Variants in NUP62CL observed in about 807,000 individuals in gnomAD.
NUP62CL encodes the protein nucleoporin-62 C-terminal-like protein.
NUP62CL carries 13 observed loss-of-function variants against 15.3 expected under a neutral mutation model. That is an observed-to-expected ratio of 0.85 (90% CI 0.55 to 1.35). The LOEUF is 1.35. Among genes scored for constraint, NUP62CL ranks in the 40% most tolerant of loss-of-function variants. The probability of loss-of-function intolerance (pLI) is 0.00; values close to 1 mark genes in which losing one functional copy is unlikely to be tolerated. For missense variants in NUP62CL, 123 were observed against 130.6 expected, an observed-to-expected ratio of 0.94 and a Z score of 0.28; for synonymous variants, 54 against 49.2, an observed-to-expected ratio of 1.10 and a Z score of -0.41.
intron 2 of NUP62CL, among the ~76,000 whole-genome samples, chrX:107,191,764 A>C (rs1180344006): frequency 8.9e-6 from 1 of 111,770 alleles, no homozygotes; most frequent in Admixed American, 9.5e-5. Flanking sequence ...TTTATTAAAC[A>C]ACACAAGTTT....
chrX:107,139,822 G>T (rs1320492101), intron 8 of NUP62CL, among the ~76,000 whole-genome samples: 1 of 111,824 alleles, frequency 8.9e-6, no homozygotes, highest in Admixed American at 9.5e-5. Flanking sequence ...ATTCAGAAAC[G>T]GAGGAAGGGA....
rs1438294697 is a variant in NUP62CL, at chrX:107,152,065, TATATATATATTCAG to T, written c.530+1093_530+1106del. The stretch of plus-strand genomic sequence containing the variant: ...ATATATTCAGATATATATATATATA[TATATATATATTCAG>T]ATATATATATATATATTCAGATATA... On this transcript the variant is annotated intron_variant, in intron 7 of 8. Coordinates refer to ENST00000372466, the MANE Select transcript of NUP62CL (RefSeq NM_017681.3). 1.3e-3 allele frequency among the ~76,000 whole-genome samples: 90 copies of T among 71,047 alleles called. 2 individuals carry two copies. The highest frequency in any genetic ancestry group is 6.7e-3 in the Middle Eastern group (1 of 150). 61.7% of individuals were successfully genotyped at this position (71,047 alleles called of 115,157 possible).
intron 1 of NUP62CL, among the ~76,000 whole-genome samples, chrX:107,201,141 C>G (rs2147819551): frequency 9.0e-6 from 1 of 111,215 alleles, no homozygotes; most frequent in South Asian, 3.8e-4. Flanking sequence ...ACATATGCTT[C>G]TGAAAAAATA....
intron 2 of NUP62CL, among the ~76,000 whole-genome samples, chrX:107,182,607 T>C (rs1360045343): frequency 2.7e-5 from 3 of 110,678 alleles, no homozygotes; most frequent in African/African-American, 9.9e-5. Flanking sequence ...AAAATGGTAG[T>C]ACTAGAACAA....
At chrX:107,191,425 T>G (rs6622178) in intron 2 of NUP62CL, among the ~76,000 whole-genome samples, 15,818 of 109,495 alleles carry the variant, frequency 0.14, 1,201 homozygotes, top group East Asian at 0.46. Context: ...AAAGGACTTA[T>G]ATGGCCGGGC....
At chrX:107,154,408 A>T (rs1926124630) in intron 4 of NUP62CL, among the ~76,000 whole-genome samples, 162 bp from the exon 5 acceptor site, 1 of 10,686 alleles carries the variant, frequency 9.4e-5, no homozygotes, top group African/African-American at 2.6e-3. Flanking sequence ...AAGATGATTA[A>T]AAAAAACAAC....
rs546291982 is a variant in NUP62CL at position 107,185,958 on chromosome X, C to T, written c.-48+7071G>A. Reference sequence around the variant, plus strand: ...TTATCAGACAAAGTAGACTTCAGAACAAAGAAAATTACCATAGACAGAGGA... The same window carrying T: ...TTATCAGACAAAGTAGACTTCAGAATAAAGAAAATTACCATAGACAGAGGA... On this transcript the variant is annotated intron_variant, in intron 2 of 8. Coordinates refer to ENST00000372466, the MANE Select transcript of NUP62CL (RefSeq NM_017681.3). 9.1e-4 allele frequency among the ~76,000 whole-genome samples: 101 copies of T among 111,316 alleles called. No homozygotes were observed. The Middle Eastern group carries it at 0.019, about 20-fold the overall frequency.
chrX:107,194,811 CTTTTTTTTTTT>C (rs1174813324), intron 1 of NUP62CL, among the ~76,000 whole-genome samples: 4 of 46,303 alleles, frequency 8.6e-5, no homozygotes, highest in African/African-American at 2.7e-4. Flanking sequence ...TTCTTTCTCT[CTTTTTTTTTTT>C]TTTTTTTTTT....
intron 7 of NUP62CL, among the ~76,000 whole-genome samples, chrX:107,152,059 T>TATATATTCAG (rs1926031169): frequency 1.4e-5 from 1 of 69,004 alleles, no homozygotes; most frequent in African/African-American, 7.3e-5. Context: ...GATATATATA[T>TATATATTCAG]ATATATATAT....
chrX:107,184,312 A>AG (rs1405766835), intron 2 of NUP62CL, among the ~76,000 whole-genome samples: 1,131 of 60,189 alleles, frequency 0.019, 37 homozygotes, highest in African/African-American at 0.087. Flanking sequence ...AGAAAGAAAG[A>AG]AAGAAAGAAA....
intron 4 of NUP62CL, among the ~76,000 whole-genome samples, chrX:107,163,417 A>G (rs1178647000): frequency 9.0e-6 from 1 of 111,614 alleles, no homozygotes; most frequent in African/African-American, 3.3e-5. Flanking sequence ...AAAATACTCA[A>G]ACAACTGACA....
intron 8 of NUP62CL, among the ~76,000 whole-genome samples, chrX:107,145,609 G>A (rs976804884): frequency 6.3e-5 from 7 of 111,193 alleles, no homozygotes; most frequent in Non-Finnish European, 3.8e-5. Flanking sequence ...AATCTTCTAA[G>A]AATAAGGATC....
rs1221436162 is a variant in NUP62CL at position 107,184,344 on chromosome X, AAAGAAAG to A, written c.-48+8678_-48+8684del. On this transcript the variant is annotated intron_variant, in intron 2 of 8. Coordinates refer to ENST00000372466, the MANE Select transcript of NUP62CL (RefSeq NM_017681.3). Reference sequence around the variant, plus strand: ...GAAAGAAAGAAAGAAAGAAAGAAAGAAAGAAAGAAAGAAACTAATTAATTATTGGTAA... The same window carrying A: ...GAAAGAAAGAAAGAAAGAAAGAAAGAAAAGAAACTAATTAATTATTGGTAA... 1.2e-4 allele frequency among the ~76,000 whole-genome samples: 10 copies of A among 83,094 alleles called. No homozygotes were observed. In the East Asian group the frequency reaches 4.5e-3, roughly 38 times the overall value. 72.2% of individuals were successfully genotyped at this position (83,094 alleles called of 115,157 possible).
intron 8 of NUP62CL, among the ~76,000 whole-genome samples, chrX:107,130,808 G>A (rs988950755): frequency 1.4e-4 from 16 of 111,583 alleles, no homozygotes; most frequent in African/African-American, 5.2e-4. Context: ...AAAGGAAGAA[G>A]ACATAATATA....
chrX:107,204,935 T>A (rs1393527880), intron 1 of NUP62CL, among the ~76,000 whole-genome samples: 1 of 106,457 alleles, frequency 9.4e-6, no homozygotes, highest in Admixed American at 1.0e-4. Flanking sequence ...TTTAAATAAA[T>A]TTTAAATAAA....
intron 8 of NUP62CL, among the ~76,000 whole-genome samples, chrX:107,133,661 C>T (rs897982207): frequency 1.1e-4 from 12 of 112,810 alleles, no homozygotes; most frequent in Non-Finnish European, 2.1e-4. Flanking sequence ...TTAATTCTGG[C>T]CGGGCGCAGT....
intron 3 of NUP62CL, among the ~76,000 whole-genome samples, chrX:107,171,359 G>A (rs1315829597): frequency 1.8e-5 from 2 of 111,652 alleles, no homozygotes; most frequent in Non-Finnish European, 3.8e-5. Flanking sequence ...TGGGTGAAAT[G>A]GTGTGTATTA....
chrX:107,174,849 A>G (rs1254004041), intron 3 of NUP62CL, among the ~76,000 whole-genome samples: 2 of 112,436 alleles, frequency 1.8e-5, no homozygotes, highest in African/African-American at 3.2e-5. Flanking sequence ...TCACAATATT[A>G]ATGAATTATA....
At chrX:107,176,626 T>G (rs906664380) in intron 2 of NUP62CL, among the ~76,000 whole-genome samples, 1 of 109,402 alleles carries the variant, frequency 9.1e-6, no homozygotes, top group African/African-American at 3.3e-5. Context: ...TTGTACACTC[T>G]GTGACTATAT....
Sources: gnomAD v4.1 joint callset for allele counts (sites outside exome capture counted in the v4.1 genomes callset) on GRCh38, gnomAD v4.1.1 for gene constraint, MANE v1.5 for transcripts, NCBI Gene and HGNC (gene_info 2026-07-23, HGNC 2026-07-21) for gene names.